FAR2: variants seen among roughly 807,000 people sequenced by gnomAD.
FAR2 encodes the protein fatty acyl-CoA reductase 2.
FAR2 carries 19 observed loss-of-function variants against 56.0 expected under a neutral mutation model. The observed-to-expected ratio is 0.34, with a 90% CI of 0.24 to 0.50. The LOEUF is 0.50. Among genes scored for constraint, FAR2 ranks in the 20% least tolerant of loss-of-function variants. The pLI, the probability that FAR2 is intolerant of heterozygous loss-of-function variation, is 0.98. For synonymous variants in FAR2, 219 were observed against 218.8 expected, an observed-to-expected ratio of 1.00 and a Z score of -0.01; for missense variants, 508 against 642.2, an observed-to-expected ratio of 0.79 and a Z score of 2.26.
chr12:29,267,993 G>A (rs1948546582), intron 1 of FAR2, among the ~76,000 whole-genome samples: 1 of 152,206 alleles, frequency 6.6e-6, no homozygotes, highest in Non-Finnish European at 1.5e-5. Context: ...ACTTAGCATA[G>A]AGTCTGGAAT....
chr12:29,318,524 G>T (rs1949494212), intron 9 of FAR2, among the ~76,000 whole-genome samples: 1 of 152,158 alleles, frequency 6.6e-6, no homozygotes, highest in Non-Finnish European at 1.5e-5. Flanking sequence ...TGGGAAATGG[G>T]TTGGTTTGTT....
chr12:29,240,443 T>A (rs939281543), intron 1 of FAR2, among the ~76,000 whole-genome samples: 15 of 152,068 alleles, frequency 9.9e-5, no homozygotes, highest in Admixed American at 5.9e-4. Context: ...TTTCCAAAAG[T>A]ACCACCAATA....
chr12:29,169,366 T>C (rs942353033), intron 1 of FAR2, among the ~76,000 whole-genome samples: 8 of 151,648 alleles, frequency 5.3e-5, no homozygotes, highest in African/African-American at 1.5e-4. Flanking sequence ...TCATTTGGGG[T>C]TCCATTTGTA....
At chr12:29,297,565 G>GT (rs1949091876) in intron 4 of FAR2, among the ~76,000 whole-genome samples, 1 of 152,176 alleles carries the variant, frequency 6.6e-6, no homozygotes, top group Non-Finnish European at 1.5e-5. Flanking sequence ...TCAGACTGAC[G>GT]TGAGTTTGGC....
At chr12:29,158,156 C>T (rs1302478107) in intron 1 of FAR2, among the ~76,000 whole-genome samples, 4 of 151,942 alleles carry the variant, frequency 2.6e-5, no homozygotes, top group South Asian at 2.1e-4. Context: ...TTAATGAAAC[C>T]AACTTGATGT....
intron 10 of FAR2, among the ~76,000 whole-genome samples, chr12:29,330,503 A>G (rs962556714): frequency 6.6e-6 from 1 of 152,216 alleles, no homozygotes; most frequent in Non-Finnish European, 1.5e-5. Flanking sequence ...AGGGATAATA[A>G]TATTTAGTTA....
chr12:29,272,832 G>A (rs925751628), intron 2 of FAR2, among the ~76,000 whole-genome samples: 2 of 152,078 alleles, frequency 1.3e-5, no homozygotes, highest in African/African-American at 4.8e-5. Flanking sequence ...GGGCCTTTTT[G>A]TTGTTGTTGT....
chr12:29,238,900 A>G (rs1947982036), intron 1 of FAR2, among the ~76,000 whole-genome samples: 2 of 152,174 alleles, frequency 1.3e-5, no homozygotes, highest in Non-Finnish European at 2.9e-5. Context: ...ATGATCTCAC[A>G]GTTTCCATGC....
intron 1 of FAR2, among the ~76,000 whole-genome samples, chr12:29,247,283 G>A (rs1057062588): frequency 2.0e-5 from 3 of 152,162 alleles, no homozygotes; most frequent in Non-Finnish European, 2.9e-5. Flanking sequence ...ACTGTATGAA[G>A]CAACTAATGC....
chr12:29,155,650 C>T (rs989962517), intron 1 of FAR2, among the ~76,000 whole-genome samples: 1 of 152,104 alleles, frequency 6.6e-6, no homozygotes, highest in African/African-American at 2.4e-5. Flanking sequence ...GGAAATTTAA[C>T]GTATATGAAA....
At chr12:29,273,037 C>T (rs1196036315) in intron 2 of FAR2, among the ~76,000 whole-genome samples, 2 of 152,236 alleles carry the variant, frequency 1.3e-5, no homozygotes, top group African/African-American at 4.8e-5. Context: ...GACCTCTGAC[C>T]TCGAGGGGCA....
intron 1 of FAR2, among the ~76,000 whole-genome samples, chr12:29,264,979 A>T (rs911705715): frequency 1.3e-5 from 2 of 152,214 alleles, no homozygotes; most frequent in Middle Eastern, 3.2e-3. Flanking sequence ...GAAATAAAAG[A>T]TCTCTACAAT....
intron 1 of FAR2, among the ~76,000 whole-genome samples, chr12:29,217,459 C>T (rs966535743): frequency 1.3e-5 from 2 of 152,148 alleles, no homozygotes; most frequent in Admixed American, 6.5e-5. Flanking sequence ...GTACAGGAAG[C>T]TGGAGGTGGG....
intron 1 of FAR2, among the ~76,000 whole-genome samples, chr12:29,241,060 C>T (rs1048656247): frequency 2.0e-5 from 3 of 152,194 alleles, no homozygotes; most frequent in African/African-American, 4.8e-5. Flanking sequence ...CCCACCTCAG[C>T]CTCCCAAAGT....
chr12:29,208,700 T>C (rs1947505765), intron 1 of FAR2, among the ~76,000 whole-genome samples: 1 of 152,092 alleles, frequency 6.6e-6, no homozygotes, highest in South Asian at 2.1e-4. Flanking sequence ...GGAGACAAAA[T>C]TATAAAATAT....
intron 2 of FAR2, among the ~76,000 whole-genome samples, chr12:29,278,531 G>T (rs75995843): frequency 6.6e-6 from 1 of 150,430 alleles, no homozygotes; most frequent in African/African-American, 2.5e-5. Flanking sequence ...TTTTTTTTAA[G>T]ACATGGTGGT....
At chr12:29,234,894 T>A (rs1011047142) in intron 1 of FAR2, among the ~76,000 whole-genome samples, 1 of 152,214 alleles carries the variant, frequency 6.6e-6, no homozygotes, top group African/African-American at 2.4e-5. Context: ...ATTTATTATT[T>A]ATTTCAATTA....
At chr12:29,282,313 T>C (rs1473309305) in intron 2 of FAR2, 5 of 152,234 alleles carry the variant, frequency 3.3e-5, no homozygotes. Context: ...CAACCTCTTA[T>C]GCAATGATCC....
chr12:29,256,196 T>G (rs911040592), intron 1 of FAR2, among the ~76,000 whole-genome samples: 2 of 151,602 alleles, frequency 1.3e-5, no homozygotes, highest in South Asian at 2.1e-4. Context: ...ATTATTATTG[T>G]TTTTTTTAAA....
Sources: allele counts gnomAD v4.1 joint callset (sites outside exome capture counted in the v4.1 genomes callset), GRCh38; gene constraint gnomAD v4.1.1; transcripts MANE v1.5; gene names NCBI Gene and HGNC (gene_info 2026-07-23, HGNC 2026-07-21).